AUH: variants seen among roughly 807,000 people sequenced by gnomAD.
AUH encodes the protein methylglutaconyl-CoA hydratase, mitochondrial.
In AUH, 29 loss-of-function variants were observed where a neutral mutation model predicts 42.3. That is an observed-to-expected ratio of 0.69 (90% CI 0.51 to 0.93). The LOEUF (loss-of-function observed/expected upper bound fraction) is 0.93, where lower values mean the gene tolerates loss of function less well. Ranked by LOEUF, AUH falls within the 40% of genes least tolerant of loss-of-function variation. AUH has a pLI of 0.00. For missense variants in AUH, 452 were observed against 438.1 expected, an observed-to-expected ratio of 1.03 and a Z score of -0.28; for synonymous variants, 174 against 166.4, an observed-to-expected ratio of 1.05 and a Z score of -0.35.
Position 91,225,966 on chromosome 9 carries a change from T to C in AUH, c.656-4974A>G, listed in dbSNP as rs1827441918. Among the ~76,000 whole-genome samples, 4 of 149,218 alleles carry C rather than the reference T, an allele frequency of 2.7e-5. No individual in the cohort carries two copies. The South Asian group carries it at 8.7e-4, about 32-fold the overall frequency. Reference sequence around the variant, plus strand: ...AGTCTATCATTGTTGGACATTTGGGTTGGTTCCAAGTCTTTGCTATTGTGA... The same window carrying C: ...AGTCTATCATTGTTGGACATTTGGGCTGGTTCCAAGTCTTTGCTATTGTGA... On this transcript the variant is annotated intron_variant, in intron 6 of 9. Coordinates refer to ENST00000375731, the MANE Select transcript of AUH (RefSeq NM_001698.3).
chr9:91,298,934 A>T (rs925380946), intron 4 of AUH, among the ~76,000 whole-genome samples: 1 of 152,126 alleles, frequency 6.6e-6, no homozygotes, highest in Non-Finnish European at 1.5e-5. Flanking sequence ...AAAAGGTAAT[A>T]TCGGCCGGGC....
intron 6 of AUH, among the ~76,000 whole-genome samples, chr9:91,260,101 G>A (rs1829631364): frequency 6.6e-6 from 1 of 151,954 alleles, no homozygotes; most frequent in Non-Finnish European, 1.5e-5. Context: ...TTTATCTTAG[G>A]TAATATTTCT....
intron 3 of AUH, among the ~76,000 whole-genome samples, chr9:91,343,925 T>A (rs1444940099): frequency 6.6e-6 from 1 of 152,080 alleles, no homozygotes; most frequent in East Asian, 1.9e-4. Flanking sequence ...AAAAATAAAA[T>A]TCTGAGTTCG....
At chr9:91,247,417 T>G (rs1375541778) in intron 6 of AUH, among the ~76,000 whole-genome samples, 1 of 152,054 alleles carries the variant, frequency 6.6e-6, no homozygotes, top group Admixed American at 6.6e-5. Flanking sequence ...GGTCCATTTT[T>G]CTCACTCTCA....
intron 3 of AUH, among the ~76,000 whole-genome samples, chr9:91,343,685 T>C (rs1342629465): frequency 6.6e-6 from 1 of 152,114 alleles, no homozygotes; most frequent in East Asian, 1.9e-4. Flanking sequence ...TGAGCTGAGA[T>C]TACACTGCTG....
At chr9:91,266,408 G>GA (rs1829982343) in intron 6 of AUH, among the ~76,000 whole-genome samples, 1 of 151,582 alleles carries the variant, frequency 6.6e-6, no homozygotes, top group East Asian at 1.9e-4. Flanking sequence ...AAAAATAAAG[G>GA]AAAGTTACAA....
intron 6 of AUH, among the ~76,000 whole-genome samples, chr9:91,234,963 T>A (rs935211613): frequency 6.6e-6 from 1 of 151,452 alleles, no homozygotes; most frequent in African/African-American, 2.4e-5. Context: ...CACCCAGTGA[T>A]GAGCTCAGCT....
chr9:91,333,261 T>C (rs1443167917), intron 3 of AUH, among the ~76,000 whole-genome samples: 2 of 152,236 alleles, frequency 1.3e-5, no homozygotes, highest in African/African-American at 2.4e-5. Flanking sequence ...CATTAACTGG[T>C]ATTTTTGCTC....
At chr9:91,332,637 A>G (rs891260156) in intron 3 of AUH, among the ~76,000 whole-genome samples, 1 of 152,258 alleles carries the variant, frequency 6.6e-6, no homozygotes, top group Admixed American at 6.5e-5. Context: ...CAGGCTGGGG[A>G]GCACAGCTTT....
At chr9:91,297,099 C>T (rs908975398) in intron 5 of AUH, among the ~76,000 whole-genome samples, 21 of 152,188 alleles carry the variant, frequency 1.4e-4, no homozygotes, top group African/African-American at 3.6e-4. Flanking sequence ...GTGTCCACAA[C>T]GATGAATATG....
At chr9:91,273,380 T>C (rs1357691186) in intron 6 of AUH, among the ~76,000 whole-genome samples, 1 of 150,218 alleles carries the variant, frequency 6.7e-6, no homozygotes, top group African/African-American at 2.5e-5. Flanking sequence ...CTTCCAGGTA[T>C]TCCTTGTAAC....
intron 3 of AUH, among the ~76,000 whole-genome samples, chr9:91,341,273 G>C (rs1258396620): frequency 1.3e-5 from 2 of 152,136 alleles, no homozygotes; most frequent in Non-Finnish European, 2.9e-5. Context: ...GAACCACCTA[G>C]GCTCTCTGAC....
At chr9:91,301,977 T>C (rs1402355683) in intron 4 of AUH, among the ~76,000 whole-genome samples, 1 of 152,236 alleles carries the variant, frequency 6.6e-6, no homozygotes, top group Non-Finnish European at 1.5e-5. Flanking sequence ...TAATTCGTAT[T>C]CAATGGGTAA....
chr9:91,280,916 T>C (rs748686321), intron 6 of AUH, among the ~76,000 whole-genome samples: 7 of 152,232 alleles, frequency 4.6e-5, no homozygotes, highest in Non-Finnish European at 8.8e-5. Flanking sequence ...ACTTTCTCCA[T>C]TGAATTGCCT....
intron 6 of AUH, among the ~76,000 whole-genome samples, chr9:91,234,602 T>G (rs1828073194): frequency 6.6e-6 from 1 of 152,014 alleles, no homozygotes; most frequent in African/African-American, 2.4e-5. Context: ...GAATGGGAGT[T>G]TATCCGTTTT....
At chr9:91,313,711 CAAAAAAAAAAA>C (rs775229436) in intron 4 of AUH, among the ~76,000 whole-genome samples, 1 of 68,906 alleles carries the variant, frequency 1.5e-5, no homozygotes, top group South Asian at 5.5e-4. Flanking sequence ...GACTCCGTCT[CAAAAAAAAAAA>C]AAAAAAAAAG....
chr9:91,315,579 C>T (rs1439974176), intron 4 of AUH, among the ~76,000 whole-genome samples: 1 of 151,918 alleles, frequency 6.6e-6, no homozygotes, highest in Non-Finnish European at 1.5e-5. Context: ...AGTTATGAAC[C>T]TTGTCATTCT....
rs182044900 is a variant in AUH, at chr9:91,307,504, A to C, written c.506-9428T>G. On this transcript the variant is annotated intron_variant, in intron 4 of 9. Transcript: ENST00000375731. ...AAAATATTACACGGAAAAGTCCAAA[A>C]ATAAACAACATATAAGTTTTAAATG... is the stretch of plus-strand genomic sequence containing the variant. 4.3e-4 allele frequency among the ~76,000 whole-genome samples: 65 copies of C among 152,322 alleles called. 1 individual carries two copies. In the East Asian group the frequency reaches 7.7e-3, roughly 18 times the overall value.
At chr9:91,264,718 A>G (rs974422685) in intron 6 of AUH, among the ~76,000 whole-genome samples, 1 of 152,200 alleles carries the variant, frequency 6.6e-6, no homozygotes, top group Non-Finnish European at 1.5e-5. Context: ...GGAGTTTGAG[A>G]CTGAGAACAG....
Sources: allele counts gnomAD v4.1 joint callset (sites outside exome capture counted in the v4.1 genomes callset), GRCh38; gene constraint gnomAD v4.1.1; transcripts MANE v1.5; gene names NCBI Gene and HGNC (gene_info 2026-07-23, HGNC 2026-07-21).